The following PITPNM3 variants were observed in gnomAD, a reference collection of about 807,000 sequenced individuals.
PITPNM3 encodes PITPNM family member 3, also known as membrane-associated phosphatidylinositol transfer protein 3.
Under a neutral mutation model 102.0 loss-of-function variants are expected in PITPNM3, and 26 were observed. The ratio of observed to expected loss-of-function variants is 0.25; its 90% CI spans 0.19 to 0.35. The LOEUF (loss-of-function observed/expected upper bound fraction) is 0.35. PITPNM3 is among the 10% of genes least tolerant of loss of function. The pLI is 1.00. For synonymous variants in PITPNM3, 578 were observed against 558.6 expected (o/e 1.03, Z -0.49); for missense variants, 1,083 against 1,346.1 (o/e 0.80, Z 3.06).
At chr17:6,496,592 T>C (rs1421504173) in intron 4 of PITPNM3, among the ~76,000 whole-genome samples, 1 of 152,186 alleles carries the variant, frequency 6.6e-6, no homozygotes, top group Non-Finnish European at 1.5e-5. Flanking sequence ...TTTCATTTTA[T>C]GACTATTTGA....
chr17:6,530,945 T>C (rs1909111925), intron 2 of PITPNM3, among the ~76,000 whole-genome samples: 1 of 152,162 alleles, frequency 6.6e-6, no homozygotes, highest in African/African-American at 2.4e-5. Flanking sequence ...GCATCCTCAT[T>C]TTACAGGTAC....
intron 1 of PITPNM3, among the ~76,000 whole-genome samples, chr17:6,553,654 AC>A (rs1910438896): frequency 6.6e-6 from 1 of 152,086 alleles, no homozygotes; most frequent in Admixed American, 6.5e-5. Context: ...GGAACATCTC[AC>A]AGGTCATGGT....
At position 6,463,896 on chromosome 17, in the gene PITPNM3, C is replaced by A. The variant is rs1218450460; in HGVS notation, c.2157-15G>T. The A allele has an allele frequency of 6.2e-7, 1 of 1,613,654 alleles. No homozygotes were observed. On this transcript the variant is annotated splice_polypyrimidine_tract_variant and intron_variant, in intron 16 of 19. Transcript: ENST00000262483. ...TCTGGTCGCCCCTGAAAGAAACCTG[C>A]CTGTGGTCAGCCGTGAGGTCAGGGT...
intron 9 of PITPNM3, among the ~76,000 whole-genome samples, chr17:6,474,866 G>T (rs74731163): frequency 1.3e-5 from 2 of 152,206 alleles, no homozygotes; most frequent in African/African-American, 4.8e-5. Context: ...GACATGGACC[G>T]TGTGGTCTCC....
chr17:6,519,513 C>T (rs550980444), intron 3 of PITPNM3, among the ~76,000 whole-genome samples: 32 of 144,508 alleles, frequency 2.2e-4, no homozygotes, highest in Non-Finnish European at 3.8e-4. Flanking sequence ...AGTGAGACTC[C>T]GTCTCAGAAA....
intron 11 of PITPNM3, among the ~76,000 whole-genome samples, chr17:6,471,755 T>C (rs114124725): frequency 0.017 from 2,568 of 152,066 alleles, 93 homozygotes; most frequent in African/African-American, 0.059. Context: ...CCACAAAGAA[T>C]TGAGGCTGCC....
intron 3 of PITPNM3, among the ~76,000 whole-genome samples, chr17:6,521,614 T>A (rs1908525473): frequency 2.0e-5 from 3 of 151,096 alleles, no homozygotes; most frequent in African/African-American, 7.3e-5. Flanking sequence ...TCCCTTTCCA[T>A]TAAAAAAAAA....
Position 6,474,439 on chromosome 17 carries a change from C to G in PITPNM3, c.1251G>C (p.Gly417=). The G allele has an allele frequency of 6.2e-7, 1 of 1,613,350 alleles. No homozygotes were observed. The highest frequency in any genetic ancestry group is 1.3e-5 in the African/African-American group (1 of 75,038). The change falls in exon 10 of 20, where the codon GGG becomes GGC. Residue 417 remains glycine, a synonymous_variant. Coordinates refer to ENST00000262483, the MANE Select transcript of PITPNM3 (RefSeq NM_031220.4). The part of the protein sequence containing the change: ...VLAMRRTVLP[G]LDGFQVRPAC... ...AGCCCACACCATCCCTACCGTCCAG[C>G]CCAGGCAGCACCGTCCTCCGCATGG... is the stretch of plus-strand genomic sequence containing the variant.
chr17:6,473,640 G>T (rs184347935), intron 10 of PITPNM3, among the ~76,000 whole-genome samples: 1 of 152,248 alleles, frequency 6.6e-6, no homozygotes, highest in East Asian at 1.9e-4. Context: ...GGTGCCAATC[G>T]CCTGGTGTGT....
At chr17:6,534,406 ACTC>A (rs1273911488) in intron 2 of PITPNM3, among the ~76,000 whole-genome samples, 6 of 151,738 alleles carry the variant, frequency 4.0e-5, no homozygotes, top group African/African-American at 1.5e-4. Flanking sequence ...AGAACCCAGA[ACTC>A]CTCTCTGCTC....
At position 6,507,787 on chromosome 17, in the gene PITPNM3, G is replaced by T. The variant is rs1211046410; in HGVS notation, c.227-4213C>A. 3.9e-5 allele frequency among the ~76,000 whole-genome samples: 6 copies of T among 152,254 alleles called. No individual in the cohort carries two copies. In the East Asian group the frequency reaches 1.2e-3, roughly 29 times the overall value. ...TCCAGCGCAGGGAGGAGCCGGGTCT[G>T]AGTCATTACCTCCACATTCTCATGC... On this transcript the variant is annotated intron_variant, in intron 3 of 19. Transcript: ENST00000262483.
chr17:6,538,785 G>A (rs1716617192), intron 1 of PITPNM3, among the ~76,000 whole-genome samples: 1 of 152,198 alleles, frequency 6.6e-6, no homozygotes, highest in African/African-American at 2.4e-5. Context: ...TGATATTGGA[G>A]GAGCCCACCT....
chr17:6,478,029 G>T lies in PITPNM3; in HGVS notation c.846C>A (p.Pro282=). 1 of 1,613,640 alleles carries T rather than the reference G, an allele frequency of 6.2e-7. No homozygotes were observed. Among genetic ancestry groups the T allele is most frequent in the Non-Finnish European group, 8.5e-7 (1 of 1,180,048 alleles). The change falls in exon 8 of 20, where the codon CCC becomes CCA. Residue 282 remains proline (P), a synonymous_variant. Coordinates refer to ENST00000262483, the MANE Select transcript of PITPNM3 (RefSeq NM_031220.4). This position sits in a 1 kb window ranked among gnomAD's most constrained non-coding sequence, Gnocchi z 4.4. ...AFDAICYSAG[P]SGDSPASSSR... is the part of the protein sequence containing the mutation. Reference sequence around the variant, plus strand: ...TGCTGCTGGCAGGGCTGTCCCCTGAGGGCCCCGCACTGTAGCAGATGGCAT... The same window carrying T: ...TGCTGCTGGCAGGGCTGTCCCCTGATGGCCCCGCACTGTAGCAGATGGCAT...
In PITPNM3 at chr17:6,468,692, T is replaced by G. The variant is rs997728543; in HGVS notation, c.1774-351A>C. Among the ~76,000 whole-genome samples the G allele has an allele frequency of 2.0e-5, 3 of 152,184 alleles. No homozygotes were observed. The highest frequency in any genetic ancestry group is 7.2e-5 in the African/African-American group (3 of 41,438). On this transcript the variant is annotated intron_variant, in intron 13 of 19. Transcript: ENST00000262483. The surrounding 1 kb of genome is among the most constrained non-coding windows in gnomAD (Gnocchi z 5.2). The stretch of plus-strand genomic sequence containing the variant: ...AGTCCTGATCCCAGCCCCTCCTTGC[T>G]TCTTGAGGACGTTGCTCCAGCCATG...
chr17:6,482,839 C>T (rs1334964194), intron 6 of PITPNM3, among the ~76,000 whole-genome samples: 1 of 152,004 alleles, frequency 6.6e-6, no homozygotes, highest in African/African-American at 2.4e-5. Flanking sequence ...AAACACCATT[C>T]GTGTTTTTCA....
intron 19 of PITPNM3, 52 bp from the exon 20 acceptor site, chr17:6,455,695 G>C (rs1302557973): frequency 3.4e-6 from 3 of 877,586 alleles, no homozygotes; most frequent in Non-Finnish European, 4.7e-6. Context: ...AGCAGCGCAG[G>C]GGGAAGAAGG....
At chr17:6,533,182 G>A (rs577043818) in intron 2 of PITPNM3, among the ~76,000 whole-genome samples, 13 of 151,888 alleles carry the variant, frequency 8.6e-5, no homozygotes, top group Middle Eastern at 6.8e-3. Context: ...GGCTGGTCTC[G>A]AACTCCTGAC....
chr17:6,463,629 C>A lies in PITPNM3; in HGVS notation c.2306+103G>T, dbSNP rs372680408. Reference sequence around the variant, plus strand: ...CTTCTCAGCTCGCAGCCCCAGAGACCGGTAGAATTCCTACAGCAAATCAGA... The same window carrying A: ...CTTCTCAGCTCGCAGCCCCAGAGACAGGTAGAATTCCTACAGCAAATCAGA... On this transcript the variant is annotated intron_variant, in intron 17 of 19. Coordinates refer to ENST00000262483, the MANE Select transcript of PITPNM3 (RefSeq NM_031220.4). The A allele has an allele frequency of 3.4e-6, 5 of 1,472,538 alleles. No individual in the cohort carries two copies. In the African/African-American group the frequency reaches 5.6e-5, roughly 16 times the overall value. 91.2% of individuals were successfully genotyped at this position (1,472,538 alleles called of 1,614,324 possible).
chr17:6,501,294 A>G (rs1478503735), intron 4 of PITPNM3, among the ~76,000 whole-genome samples: 8 of 152,122 alleles, frequency 5.3e-5, no homozygotes, highest in African/African-American at 1.9e-4. Flanking sequence ...TTATTTTATA[A>G]TGTTTTGACA....
Sources: allele counts gnomAD v4.1 joint callset (sites outside exome capture counted in the v4.1 genomes callset), GRCh38; gene constraint gnomAD v4.1.1; non-coding constraint Gnocchi (gnomAD v3.1); transcripts MANE v1.5; gene names NCBI Gene and HGNC (gene_info 2026-07-23, HGNC 2026-07-21).